CRMP1: variants seen among roughly 807,000 people sequenced by gnomAD.
The protein encoded by CRMP1 is collapsin response mediator protein 1.
Under a neutral mutation model 68.3 loss-of-function variants are expected in CRMP1, and 19 were observed. The ratio of observed to expected loss-of-function variants is 0.28; its 90% confidence interval spans 0.19 to 0.41. The LOEUF is 0.41. Among genes scored for constraint, CRMP1 ranks in the 10% least tolerant of loss-of-function variants. The pLI is 1.00. For synonymous variants in CRMP1, 439 were observed against 399.6 expected, an observed-to-expected ratio of 1.10 and a Z score of -1.18; for missense variants, 791 against 967.4, an observed-to-expected ratio of 0.82 and a Z score of 2.42.
rs540547357 is a variant in CRMP1 at position 5,825,778 on chromosome 4, A to G, written c.1804-119T>C. ...CTGAGGTCACTTCAAATGTGCATGC[A>G]CACACACACACAACACGCACACACG... On this transcript the variant is annotated intron_variant, in intron 12 of 13. Transcript: ENST00000324989. This position sits in a 1 kb window ranked among gnomAD's most constrained non-coding sequence, Gnocchi z 4.4. 3.8e-6 allele frequency: 2 copies of G among 528,678 alleles called. No individual in the cohort carries two copies. The highest frequency in any genetic ancestry group is 9.7e-5 in the African/African-American group (1 of 10,288). 32.7% of individuals were successfully genotyped at this position (528,678 alleles called of 1,614,324 possible).
chr4:5,845,692 A>G (rs1421640521), intron 6 of CRMP1, among the ~76,000 whole-genome samples: 1 of 152,226 alleles, frequency 6.6e-6, no homozygotes, highest in East Asian at 1.9e-4. Flanking sequence ...TTATGCAATC[A>G]TGGATGACTA....
Position 5,834,554 on chromosome 4 carries a change from A to G in CRMP1, c.1623+1361T>C, listed in dbSNP as rs1001297360. Among the ~76,000 whole-genome samples the G allele has an allele frequency of 2.0e-5, 3 of 152,060 alleles. No individual in the cohort carries two copies. Among genetic ancestry groups the G allele is most frequent in the African/African-American group, 7.3e-5 (3 of 41,376 alleles). On this transcript the variant is annotated intron_variant, in intron 11 of 13. Transcript: ENST00000324989. The surrounding 1 kb of genome is among the most constrained non-coding windows in gnomAD (Gnocchi z 4.3). ...CCAGAACCGTGAGCCACATAAATTT[A>G]TTTTCTTATAAATTACCCAGTCTGT...
At chr4:5,824,195 G>A in intron 13 of CRMP1, 1 of 611,772 alleles carries the variant, frequency 1.6e-6, no homozygotes, top group Non-Finnish European at 2.0e-6. Flanking sequence ...GGTCCAGTTT[G>A]CAAACTCCTT....
chr4:5,877,659 C>T lies in CRMP1; in HGVS notation c.382-10903G>A, dbSNP rs186126162. 9.1e-4 allele frequency among the ~76,000 whole-genome samples: 138 copies of T among 152,326 alleles called. No individual in the cohort carries two copies. Among genetic ancestry groups the T allele is most frequent in the Non-Finnish European group, 1.8e-3 (121 of 68,028 alleles). ...TAACACACATTCGTTCCCCCTCTCA[C>T]GGGTAGGGGACAGGGCGGCTTTCCC... is the stretch of plus-strand genomic sequence containing the variant. On this transcript the variant is annotated intron_variant, in intron 1 of 13. Coordinates refer to ENST00000324989, the MANE Select transcript of CRMP1 (RefSeq NM_001014809.3). This position sits in a 1 kb window ranked among gnomAD's most constrained non-coding sequence, Gnocchi z 4.3.
intron 12 of CRMP1, 171 bp downstream of exon 12, chr4:5,828,318 G>A: frequency 1.0e-6 from 1 of 984,942 alleles, no homozygotes; most frequent in Non-Finnish European, 1.2e-6. Context: ...GCTCACTCCT[G>A]TCCTCAGACA....
rs147608754 is a variant in CRMP1, at chr4:5,861,152, G to T, written c.529C>A (p.Arg177=). 1 of 1,614,190 alleles carries T rather than the reference G, an allele frequency of 6.2e-7. No individual in the cohort carries two copies. Among genetic ancestry groups the T allele is most frequent in the Middle Eastern group, 1.6e-4 (1 of 6,062 alleles). Residue 177 remains arginine, a synonymous_variant, in exon 3 of 14, where the codon CGG becomes AGG. Transcript: ENST00000324989. This position sits in a 1 kb window ranked among gnomAD's most constrained non-coding sequence, Gnocchi z 6.0. The stretch of plus-strand genomic sequence containing the variant: ...TCAATACCTCCGGGAATAACCATCC[G>T]CCCGTTGGCTTCAATGGTCTTCACT... ...GGVKTIEANG[R]MVIPGGIDVN...
rs1200898223 is a variant in CRMP1 at position 5,890,580 on chromosome 4, T to G, written c.381+2009A>C. Among the ~76,000 whole-genome samples, 1 of 150,488 alleles carries G rather than the reference T, an allele frequency of 6.6e-6. No homozygotes were observed. Among genetic ancestry groups the G allele is most frequent in the African/African-American group, 2.4e-5 (1 of 40,876 alleles). ...GATCGCGAGCCCCTGAGTTCCACAG[T>G]CGCGAAGCTCGAGTGCTTTCGGAGC... is the stretch of plus-strand genomic sequence containing the variant. On this transcript the variant is annotated intron_variant, in intron 1 of 13. Transcript: ENST00000324989. The surrounding 1 kb of genome is among the most constrained non-coding windows in gnomAD (Gnocchi z 5.5).
Position 5,888,691 on chromosome 4 carries a change from T to A in CRMP1, c.381+3898A>T. ...CTGCGCACACGCCCTTGGCGGGCCC[T>A]GGCCTCGCTCTCGCGATCCAGAGAG... On this transcript the variant is annotated intron_variant, in intron 1 of 13. Coordinates refer to ENST00000324989, the MANE Select transcript of CRMP1 (RefSeq NM_001014809.3). The surrounding 1 kb of genome is among the most constrained non-coding windows in gnomAD (Gnocchi z 6.4). The A allele has an allele frequency of 2.3e-6, 2 of 861,094 alleles. No individual in the cohort carries two copies. The highest frequency in any genetic ancestry group is 1.4e-6 in the Non-Finnish European group (1 of 732,028). The allele number at this position is 861,094 out of a possible 1,614,324, so 53.3% of individuals were successfully genotyped here. A position where few individuals can be genotyped will look rare whatever the true frequency, so the allele number is the denominator to read the frequency against.
At position 5,879,148 on chromosome 4, in the gene CRMP1, G is replaced by A. The variant is rs187191848; in HGVS notation, c.382-12392C>T. Among the ~76,000 whole-genome samples the A allele has an allele frequency of 2.3e-4, 34 of 150,320 alleles. No homozygotes were observed. The East Asian group carries it at 2.3e-3, about 10-fold the overall frequency. Reference sequence around the variant, plus strand: ...AAAGCTCACCTCCTAGGCTCTTCCCGGCCTGAGCCCGGCCCTCTCTCGGCC... The same window carrying A: ...AAAGCTCACCTCCTAGGCTCTTCCCAGCCTGAGCCCGGCCCTCTCTCGGCC... On this transcript the variant is annotated intron_variant, in intron 1 of 13. Coordinates refer to ENST00000324989, the MANE Select transcript of CRMP1 (RefSeq NM_001014809.3). This position sits in a 1 kb window ranked among gnomAD's most constrained non-coding sequence, Gnocchi z 4.2.
chr4:5,843,992 C>T lies in CRMP1; in HGVS notation c.964-831G>A, dbSNP rs1391070565. 6.6e-6 allele frequency among the ~76,000 whole-genome samples: 1 copy of T among 152,088 alleles called. No homozygotes were observed. Among genetic ancestry groups the T allele is most frequent in the Non-Finnish European group, 1.5e-5 (1 of 68,026 alleles). Reference sequence around the variant, plus strand: ...AAATAAAAAAAAAATTTGACATTGCCCAGATGCCAGCTGTACTGCTGCTAA... The same window carrying T: ...AAATAAAAAAAAAATTTGACATTGCTCAGATGCCAGCTGTACTGCTGCTAA... On this transcript the variant is annotated intron_variant, in intron 6 of 13. Transcript: ENST00000324989. The surrounding 1 kb of genome is among the most constrained non-coding windows in gnomAD (Gnocchi z 4.1).
At chr4:5,862,794 G>A (rs972887669) in intron 2 of CRMP1, among the ~76,000 whole-genome samples, 1 of 152,194 alleles carries the variant, frequency 6.6e-6, no homozygotes, top group Non-Finnish European at 1.5e-5. Context: ...GGGCCAACAA[G>A]TACTCTAATG....
Position 5,843,921 on chromosome 4 carries a change from G to A in CRMP1, c.964-760C>T, listed in dbSNP as rs980826528. Among the ~76,000 whole-genome samples the A allele has an allele frequency of 4.0e-5, 6 of 151,874 alleles. No individual in the cohort carries two copies. Among genetic ancestry groups the A allele is most frequent in the Admixed American group, 1.3e-4 (2 of 15,240 alleles). ...GATGGCCTAGATTCAAATCCATCTG[G>A]TCCAAAGTTTCTTTGTCCCAGGAAC... On this transcript the variant is annotated intron_variant, in intron 6 of 13. Transcript: ENST00000324989. This position sits in a 1 kb window ranked among gnomAD's most constrained non-coding sequence, Gnocchi z 4.1.
intron 11 of CRMP1, among the ~76,000 whole-genome samples, chr4:5,831,869 G>T (rs1010753188): frequency 6.6e-6 from 1 of 152,150 alleles, no homozygotes; most frequent in Admixed American, 6.5e-5. Flanking sequence ...CCATCCATGA[G>T]CCCCATTTCC....
rs570145219 is a variant in CRMP1 at position 5,872,848 on chromosome 4, C to T, written c.382-6092G>A. 6.6e-6 allele frequency among the ~76,000 whole-genome samples: 1 copy of T among 152,190 alleles called. No individual in the cohort carries two copies. The highest frequency in any genetic ancestry group is 6.5e-5 in the Admixed American group (1 of 15,280). On this transcript the variant is annotated intron_variant, in intron 1 of 13. Transcript: ENST00000324989. The surrounding 1 kb of genome is among the most constrained non-coding windows in gnomAD (Gnocchi z 4.6). ...AGAGCAAATCATGTTCTTGTGTCAG[C>T]ACCACTTAAAAGCAAAACGTCCACA...
chr4:5,858,940 C>G lies in CRMP1; in HGVS notation c.655+2086G>C, dbSNP rs112105934. ...CTCCTGGGGCTCTGCTTTTCTCTGC[C>G]CTCTTCTCCCGGTTAATTCCAACTC... On this transcript the variant is annotated intron_variant, in intron 3 of 13. Transcript: ENST00000324989. This position sits in a 1 kb window ranked among gnomAD's most constrained non-coding sequence, Gnocchi z 5.5. 1.3e-5 allele frequency among the ~76,000 whole-genome samples: 2 copies of G among 152,132 alleles called. No individual in the cohort carries two copies. Among genetic ancestry groups the G allele is most frequent in the Non-Finnish European group, 2.9e-5 (2 of 68,038 alleles).
rs1275364230 is a variant in CRMP1 at position 5,890,856 on chromosome 4, A to G, written c.381+1733T>C. Among the ~76,000 whole-genome samples, 1 of 152,110 alleles carries G rather than the reference A, an allele frequency of 6.6e-6. No homozygotes were observed. The highest frequency in any genetic ancestry group is 1.5e-5 in the Non-Finnish European group (1 of 68,014). ...TTGGGACAGCTACGGGCCGTGCACAAAGCGCCCTCGCCTCCCTAGTACTCC... is the reference window on the plus strand; with the variant it reads ...TTGGGACAGCTACGGGCCGTGCACAGAGCGCCCTCGCCTCCCTAGTACTCC... On this transcript the variant is annotated intron_variant, in intron 1 of 13. Coordinates refer to ENST00000324989, the MANE Select transcript of CRMP1 (RefSeq NM_001014809.3). This position sits in a 1 kb window ranked among gnomAD's most constrained non-coding sequence, Gnocchi z 5.5.
intron 3 of CRMP1, 92 bp from the exon 4 acceptor site, chr4:5,856,399 T>TACCATCACCACCATCATCATCATC (rs375530616): frequency 0.064 from 69,139 of 1,077,264 alleles, 4,487 homozygotes; most frequent in African/African-American, 0.19. Flanking sequence ...TCACCATCAT[T>TACCATCACCACCATCATCATCATC]ACCATCACCA....
Position 5,853,760 on chromosome 4 carries a change from A to AGGACATC in CRMP1, c.821-2298_821-2292dup, listed in dbSNP as rs1712836020. ...TACACAATGGATGCCTTAGTAAAGAAGGACATCGTGTCATTTGCAGCAACA... is the reference window on the plus strand; with the variant it reads ...TACACAATGGATGCCTTAGTAAAGAAGGACATCGGACATCGTGTCATTTGCAGCAACA... On this transcript the variant is annotated intron_variant, in intron 4 of 13. Transcript: ENST00000324989. This position sits in a 1 kb window ranked among gnomAD's most constrained non-coding sequence, Gnocchi z 4.7. Among the ~76,000 whole-genome samples, 1 of 152,274 alleles carries AGGACATC rather than the reference A, an allele frequency of 6.6e-6. No homozygotes were observed. The highest frequency in any genetic ancestry group is 1.5e-5 in the Non-Finnish European group (1 of 68,054).
chr4:5,825,126 C>G lies in CRMP1; in HGVS notation c.1969+368G>C. The G allele has an allele frequency of 2.0e-6, 2 of 985,416 alleles. No individual in the cohort carries two copies. Among genetic ancestry groups the G allele is most frequent in the Non-Finnish European group, 2.4e-6 (2 of 829,938 alleles). 61.0% of individuals were successfully genotyped at this position (985,416 alleles called of 1,614,324 possible). On this transcript the variant is annotated intron_variant, in intron 13 of 13. Coordinates refer to ENST00000324989, the MANE Select transcript of CRMP1 (RefSeq NM_001014809.3). This position sits in a 1 kb window ranked among gnomAD's most constrained non-coding sequence, Gnocchi z 4.4. The stretch of plus-strand genomic sequence containing the variant: ...CTAAAGACTTACACAGAGCACATGC[C>G]CTGCAAATGGCAGCTACTCCCATCT...
Sources: gnomAD v4.1 joint callset for allele counts (sites outside exome capture counted in the v4.1 genomes callset) on GRCh38, gnomAD v4.1.1 for gene constraint, Gnocchi (gnomAD v3.1) non-coding constraint, MANE v1.5 for transcripts, NCBI Gene and HGNC (gene_info 2026-07-23, HGNC 2026-07-21) for gene names.